Variants in MYOCD observed in about 807,000 individuals in gnomAD.
MYOCD encodes myocardin.
MYOCD carries 32 observed loss-of-function variants against 96.1 expected under a neutral mutation model. The ratio of observed to expected loss-of-function variants is 0.33; its 90% CI spans 0.25 to 0.45. The LOEUF (loss-of-function observed/expected upper bound fraction) is 0.45. Ranked by LOEUF, MYOCD falls within the 20% of genes least tolerant of loss-of-function variation. MYOCD has a pLI of 1.00. For synonymous variants in MYOCD, 469 were observed against 469.0 expected (o/e 1.00, Z 0.00); for missense variants, 1,133 against 1,200.6 (o/e 0.94, Z 0.83).
intron 5 of MYOCD, among the ~76,000 whole-genome samples, chr17:12,730,881 G>A (rs2032150951): frequency 6.6e-6 from 1 of 152,186 alleles, no homozygotes; most frequent in Non-Finnish European, 1.5e-5. Context: ...TCACAGAAAG[G>A]TAACTAGGAT....
chr17:12,706,317 C>A (rs887273979), intron 2 of MYOCD, among the ~76,000 whole-genome samples: 10 of 152,340 alleles, frequency 6.6e-5, no homozygotes, highest in African/African-American at 2.4e-4. Context: ...GACAACTATG[C>A]TGAGGAAGCA....
intron 1 of MYOCD, among the ~76,000 whole-genome samples, chr17:12,697,538 A>G (rs1490618714): frequency 6.6e-6 from 1 of 150,804 alleles, no homozygotes; most frequent in East Asian, 2.0e-4. Flanking sequence ...AATTTTTTGT[A>G]TCTTTAGTAG....
chr17:12,753,331 G>A lies in MYOCD; in HGVS notation c.2043G>A (p.Gln681=). The A allele has an allele frequency of 6.2e-7, 1 of 1,600,936 alleles. No individual in the cohort carries two copies. The highest frequency in any genetic ancestry group is 1.1e-5 in the South Asian group (1 of 88,162). Residue 681 remains glutamine (Q), a synonymous_variant, in exon 10 of 14, where the codon CAG becomes CAA. Transcript: ENST00000425538. The part of the protein sequence containing the change: ...GHRVSSPISS[Q]VCTAQNSGAH... Reference sequence around the variant, plus strand: ...GGGTCTCCTCGCCCATCAGCAGCCAGGTGTGCACTGCACAGGTAAGAGCAC... The same window carrying A: ...GGGTCTCCTCGCCCATCAGCAGCCAAGTGTGCACTGCACAGGTAAGAGCAC...
intron 1 of MYOCD, among the ~76,000 whole-genome samples, chr17:12,692,960 C>T (rs961174935): frequency 2.6e-5 from 4 of 152,134 alleles, no homozygotes; most frequent in African/African-American, 9.7e-5. Flanking sequence ...ACTCTCTGGT[C>T]GCAGCTCCCG....
chr17:12,731,460 G>C (rs771573230), intron 5 of MYOCD, among the ~76,000 whole-genome samples: 16 of 152,256 alleles, frequency 1.1e-4, no homozygotes, highest in Non-Finnish European at 2.1e-4. Context: ...CGGGTGGTCT[G>C]TTTATTTTTG....
chr17:12,684,838 T>G, intron 1 of MYOCD, among the ~76,000 whole-genome samples: 1 of 147,790 alleles, frequency 6.8e-6, no homozygotes, highest in Non-Finnish European at 1.5e-5. Flanking sequence ...AGAGTGAGAA[T>G]TCGTCTCAAA....
At chr17:12,689,229 G>A (rs969339154) in intron 1 of MYOCD, among the ~76,000 whole-genome samples, 107 of 152,198 alleles carry the variant, frequency 7.0e-4, no homozygotes, top group Non-Finnish European at 1.2e-3. Flanking sequence ...GGAATATATA[G>A]CACTGCTATC....
intron 10 of MYOCD, among the ~76,000 whole-genome samples, chr17:12,754,888 T>C: frequency 6.6e-6 from 1 of 152,352 alleles, no homozygotes; most frequent in Admixed American, 6.5e-5. Flanking sequence ...TATTATTCTT[T>C]ATTTGTCATT....
At chr17:12,694,203 G>A (rs1218686236) in intron 1 of MYOCD, among the ~76,000 whole-genome samples, 2 of 152,304 alleles carry the variant, frequency 1.3e-5, no homozygotes, top group East Asian at 1.9e-4. Context: ...ACAAATGGGC[G>A]CAGCAAGCTG....
At position 12,763,137 on chromosome 17, in the gene MYOCD, T is replaced by C. The variant is rs1186552193; in HGVS notation, c.2454T>C (p.Ser818=). 1.2e-6 allele frequency: 2 copies of C among 1,614,006 alleles called. No homozygotes were observed. The highest frequency in any genetic ancestry group is 2.7e-5 in the African/African-American group (2 of 74,908). The change falls in exon 14 of 14, where the codon TCT becomes TCC. Residue 818 remains serine, a synonymous_variant. Coordinates refer to ENST00000425538, the MANE Select transcript of MYOCD (RefSeq NM_001146312.3). ...AAAAAGTCCCAAAGATACCCAGATCTTCCCGAAGTCCAACTGCTGTCCTCA... is the reference window on the plus strand; with the variant it reads ...AAAAAGTCCCAAAGATACCCAGATCCTCCCGAAGTCCAACTGCTGTCCTCA... ...CLQKVPKIPR[S]SRSPTAVLTK... is the part of the protein sequence containing the mutation.
At chr17:12,736,055 G>A (rs1447565367) in intron 5 of MYOCD, 106 bp from the exon 6 acceptor site, 2 of 902,028 alleles carry the variant, frequency 2.2e-6, no homozygotes, top group African/African-American at 1.7e-5. Flanking sequence ...ACAAACTGGA[G>A]AGAGAGAGGT....
intron 1 of MYOCD, among the ~76,000 whole-genome samples, chr17:12,687,900 A>G (rs1300057698): frequency 1.3e-5 from 2 of 152,314 alleles, no homozygotes; most frequent in East Asian, 1.9e-4. Flanking sequence ...ATCCATGGCA[A>G]CGTAGGAGAA....
At chr17:12,676,905 T>G (rs1261032586) in intron 1 of MYOCD, among the ~76,000 whole-genome samples, 2 of 152,210 alleles carry the variant, frequency 1.3e-5, no homozygotes, top group Non-Finnish European at 2.9e-5. Flanking sequence ...TATGTGTAAA[T>G]GTGGAAACAA....
chr17:12,699,653 T>C (rs2030963461), intron 1 of MYOCD, among the ~76,000 whole-genome samples: 1 of 152,184 alleles, frequency 6.6e-6, no homozygotes, highest in Non-Finnish European at 1.5e-5. Flanking sequence ...CTGTCAACTT[T>C]ATTATAACAT....
chr17:12,669,486 A>G (rs1184915921), intron 1 of MYOCD, among the ~76,000 whole-genome samples: 2 of 152,256 alleles, frequency 1.3e-5, no homozygotes, highest in East Asian at 1.9e-4. Flanking sequence ...GCTCAGTTCA[A>G]TGTGAATTTC....
chr17:12,723,406 TA>T (rs2031905520), intron 5 of MYOCD, among the ~76,000 whole-genome samples: 2 of 152,152 alleles, frequency 1.3e-5, no homozygotes, highest in African/African-American at 4.8e-5. Flanking sequence ...ACCCGGACCC[TA>T]GATCCAGTTG....
At chr17:12,666,324 G>A (rs1315575978) in intron 1 of MYOCD, 81 bp downstream of exon 1, 9 of 1,062,200 alleles carry the variant, frequency 8.5e-6, no homozygotes, top group Admixed American at 1.8e-5. Flanking sequence ...TCCAATAAAT[G>A]TTTCAAAGCC....
intron 11 of MYOCD, among the ~76,000 whole-genome samples, chr17:12,757,044 A>T (rs1221242959): frequency 6.6e-6 from 1 of 152,172 alleles, no homozygotes; most frequent in Non-Finnish European, 1.5e-5. Context: ...AGTTTCTGTG[A>T]AGTTAAAGAT....
At chr17:12,715,494 T>G (rs748820240) in intron 2 of MYOCD, 25 bp from the exon 3 acceptor site, 2 of 1,611,148 alleles carry the variant, frequency 1.2e-6, no homozygotes, top group Non-Finnish European at 1.7e-6. Context: ...CAGCCTCCAC[T>G]CACGTTTTTG....
Sources: gnomAD v4.1 joint callset for allele counts (sites outside exome capture counted in the v4.1 genomes callset) on GRCh38, gnomAD v4.1.1 for gene constraint, MANE v1.5 for transcripts, NCBI Gene and HGNC (gene_info 2026-07-23, HGNC 2026-07-21) for gene names.